ERC2: variants seen among roughly 807,000 people sequenced by gnomAD.
The protein encoded by ERC2 is ELKS/RAB6-interacting/CAST family member 2, also known as ERC protein 2.
A neutral mutation model predicts 114.8 loss-of-function variants in ERC2; 42 were observed. That is an observed-to-expected ratio of 0.37 (90% CI 0.29 to 0.47). ERC2 has a LOEUF of 0.47. Ranked by LOEUF, ERC2 falls within the 20% of genes least tolerant of loss-of-function variation. The probability of loss-of-function intolerance (pLI) is 0.99; values close to 1 mark genes in which losing one functional copy is unlikely to be tolerated. For missense variants in ERC2, 939 were observed against 1,150.7 expected (o/e 0.82, Z 2.66); for synonymous variants, 454 against 425.5 (o/e 1.07, Z -0.82).
At chr3:56,136,076 T>C (rs1446687174) in intron 6 of ERC2, among the ~76,000 whole-genome samples, 2 of 152,296 alleles carry the variant, frequency 1.3e-5, no homozygotes, top group East Asian at 3.9e-4. Context: ...TGTCTGGGCA[T>C]TTGTACAAGT....
intron 7 of ERC2, among the ~76,000 whole-genome samples, chr3:56,051,732 A>G (rs576007667): frequency 5.3e-5 from 8 of 152,022 alleles, no homozygotes; most frequent in South Asian, 2.1e-4. Context: ...AGACTGAGGC[A>G]GCAGAATTGC....
chr3:55,729,533 C>T (rs1478569282), intron 15 of ERC2, among the ~76,000 whole-genome samples: 1 of 152,040 alleles, frequency 6.6e-6, no homozygotes, highest in Non-Finnish European at 1.5e-5. Context: ...TTGCCTTTCT[C>T]CCCCTATTAA....
chr3:56,103,212 T>C (rs955360223), intron 6 of ERC2, among the ~76,000 whole-genome samples: 1 of 152,154 alleles, frequency 6.6e-6, no homozygotes, highest in African/African-American at 2.4e-5. Context: ...GAAATAGCAC[T>C]ATGGCTTAGA....
In ERC2 at chr3:56,296,030, G is replaced by GT; in HGVS notation, c.1062dup (p.His355ThrfsTer3). The GT allele has an allele frequency of 6.3e-7, 1 of 1,593,072 alleles. No individual in the cohort carries two copies. Among genetic ancestry groups the GT allele is most frequent in the Non-Finnish European group, 8.6e-7 (1 of 1,168,526 alleles). Reference sequence around the variant, plus strand: ...GTGAATGCTCTTACCTCTCTAAGATGTATGTTTTCCTTCTCTTTCTGATCT... The same window carrying GT: ...GTGAATGCTCTTACCTCTCTAAGATGTTATGTTTTCCTTCTCTTTCTGATCT... On this transcript the variant is annotated frameshift_variant, in exon 3 of 18. Transcript: ENST00000288221. LOFTEE classifies it high-confidence loss of function.
chr3:55,824,870 G>T (rs577344294), intron 14 of ERC2, among the ~76,000 whole-genome samples: 24 of 152,308 alleles, frequency 1.6e-4, no homozygotes, highest in Admixed American at 1.3e-3. Context: ...CTGCCCAAAC[G>T]TGGTTAGCCG....
intron 14 of ERC2, among the ~76,000 whole-genome samples, chr3:55,792,033 T>C (rs1018887481): frequency 3.9e-5 from 6 of 152,144 alleles, no homozygotes; most frequent in African/African-American, 7.2e-5. Context: ...ATGGAGGACA[T>C]AAAATACATG....
intron 17 of ERC2, among the ~76,000 whole-genome samples, chr3:55,637,933 C>A (rs1362727099): frequency 6.6e-6 from 1 of 152,034 alleles, no homozygotes; most frequent in Non-Finnish European, 1.5e-5. Flanking sequence ...GATGATAAAA[C>A]TAAGGATCTG....
intron 14 of ERC2, among the ~76,000 whole-genome samples, chr3:55,817,105 T>A (rs1329953516): frequency 6.6e-6 from 1 of 152,180 alleles, no homozygotes; most frequent in Non-Finnish European, 1.5e-5. Context: ...TAATGTGGGT[T>A]ATTCACTACT....
chr3:56,291,822 T>TAAA (rs879824002), intron 3 of ERC2, among the ~76,000 whole-genome samples: 2 of 129,908 alleles, frequency 1.5e-5, no homozygotes. Flanking sequence ...TTCTTTCTAC[T>TAAA]AAAAAAAAAA....
rs111590217 is a variant in ERC2, at chr3:55,887,184, C to A, written c.2564+1205G>T. Among the ~76,000 whole-genome samples, 1,095 of 152,272 alleles carry A rather than the reference C, an allele frequency of 7.2e-3. 11 individuals carry two copies. The highest frequency in any genetic ancestry group is 0.025 in the African/African-American group (1,033 of 41,552). On this transcript the variant is annotated intron_variant, in intron 14 of 17. Transcript: ENST00000288221. ...ATCTCTCTGAGTCTCAGCTCCCTCA[C>A]CTCTGAACTGAGTATAATAATACCT...
intron 7 of ERC2, among the ~76,000 whole-genome samples, chr3:56,076,086 C>T (rs2149743596): frequency 6.6e-6 from 1 of 152,270 alleles, no homozygotes; most frequent in Non-Finnish European, 1.5e-5. Flanking sequence ...ACTCCATTCA[C>T]CCCTCTCTAC....
intron 7 of ERC2, among the ~76,000 whole-genome samples, chr3:56,077,991 G>A (rs2077053779): frequency 6.6e-6 from 1 of 151,984 alleles, no homozygotes; most frequent in South Asian, 2.1e-4. Context: ...ATAAATGTAA[G>A]CTTTTGTTAT....
At chr3:56,290,130 A>G (rs902415441) in intron 3 of ERC2, among the ~76,000 whole-genome samples, 27 of 152,218 alleles carry the variant, frequency 1.8e-4, no homozygotes, top group Admixed American at 7.8e-4. Context: ...TTTAGAAAAA[A>G]ATGAAAGAAG....
chr3:55,530,325 G>A (rs1391961886), intron 17 of ERC2, among the ~76,000 whole-genome samples: 9 of 152,194 alleles, frequency 5.9e-5, no homozygotes, highest in African/African-American at 1.9e-4. Flanking sequence ...TTCTGCAATC[G>A]TGGCAGGAAA....
chr3:55,647,640 G>C (rs1282921654), intron 17 of ERC2, among the ~76,000 whole-genome samples: 1 of 152,150 alleles, frequency 6.6e-6, no homozygotes, highest in Admixed American at 6.5e-5. Context: ...CTTAAATATA[G>C]CTTCAGAGAT....
intron 3 of ERC2, among the ~76,000 whole-genome samples, chr3:56,210,513 G>A (rs1175668487): frequency 1.3e-5 from 2 of 152,146 alleles, no homozygotes; most frequent in Non-Finnish European, 2.9e-5. Flanking sequence ...GTAGGTGTGG[G>A]CTTTTACTTT....
chr3:55,544,587 G>A (rs993102026), intron 17 of ERC2, among the ~76,000 whole-genome samples: 1 of 152,180 alleles, frequency 6.6e-6, no homozygotes, highest in African/African-American at 2.4e-5. Flanking sequence ...GAGTCACTTA[G>A]GATAAATCTG....
At chr3:56,043,424 C>T (rs902978427) in intron 7 of ERC2, among the ~76,000 whole-genome samples, 6 of 151,998 alleles carry the variant, frequency 3.9e-5, no homozygotes, top group African/African-American at 1.2e-4. Context: ...CAAGTTTCAA[C>T]CATGCATATA....
chr3:55,879,303 C>T (rs975525203), intron 14 of ERC2, among the ~76,000 whole-genome samples: 1 of 151,988 alleles, frequency 6.6e-6, no homozygotes, highest in African/African-American at 2.4e-5. Context: ...TGAGAGTGTT[C>T]CTGCTGCTAC....
Sources: allele counts gnomAD v4.1 joint callset (sites outside exome capture counted in the v4.1 genomes callset), GRCh38; gene constraint gnomAD v4.1.1; transcripts MANE v1.5; gene names NCBI Gene and HGNC (gene_info 2026-07-23, HGNC 2026-07-21).